The following GGT1 variants were observed in gnomAD, a reference collection of about 807,000 sequenced individuals.
GGT1 encodes the protein glutathione hydrolase 1 proenzyme.
A neutral mutation model predicts 56.0 loss-of-function variants in GGT1; 21 were observed. That is an observed-to-expected ratio of 0.38 (90% CI 0.27 to 0.54). GGT1 has a LOEUF of 0.54. Ranked by LOEUF, GGT1 falls within the 20% of genes least tolerant of loss-of-function variation. The probability of loss-of-function intolerance (pLI) is 0.82; values close to 1 mark genes in which losing one functional copy is unlikely to be tolerated. For synonymous variants in GGT1, 238 were observed against 342.6 expected, an observed-to-expected ratio of 0.69 and a Z score of 3.37; for missense variants, 466 against 787.0, an observed-to-expected ratio of 0.59 and a Z score of 4.88.
chr22:24,585,908 G>A, the GGT1 span: 1 of 1,598,786 alleles, frequency 6.3e-7, no homozygotes, highest in Non-Finnish European at 8.5e-7. Flanking sequence ...GCAGGCCTGG[G>A]GCTCGGGTCC....
chr22:24,612,180 T>C (rs1205199374), intron 5 of GGT1, among the ~76,000 whole-genome samples: 2 of 151,250 alleles, frequency 1.3e-5, no homozygotes, highest in Non-Finnish European at 2.9e-5. Context: ...CCTCAGGTAA[T>C]CCACCCACCT....
chr22:24,589,910 A>G (rs1363458795), upstream of GGT1: 2 of 1,612,116 alleles, frequency 1.2e-6, no homozygotes, highest in African/African-American at 2.7e-5. Context: ...ACATCTCTGT[A>G]GAGGATATCA....
chr22:24,607,858 G>T, intron 1 of GGT1, 96 bp from the exon 2 acceptor site: 1 of 393,822 alleles, frequency 2.5e-6, no homozygotes, highest in South Asian at 1.9e-5. Context: ...GGGGCCACAG[G>T]CGTGGCTCTG....
chr22:24,584,942 C>T, the GGT1 span, among the ~76,000 whole-genome samples: 4 of 152,064 alleles, frequency 2.6e-5, no homozygotes, highest in Admixed American at 2.6e-4. Context: ...AGACACTTCC[C>T]CCTGCCAAGG....
At position 24,620,308 on chromosome 22, in the gene GGT1, C is replaced by G; in HGVS notation, c.383-20C>G. ...GATGTCCCCCACTCAGGGTCACTAA[C>G]TATGGCTCTCTCTCCCCAGGGGGGC... On this transcript the variant is annotated intron_variant, in intron 7 of 15. Transcript: ENST00000400382. This position sits in a 1 kb window ranked among gnomAD's most constrained non-coding sequence, Gnocchi z 5.6. The G allele has an allele frequency of 1.2e-6, 2 of 1,610,900 alleles. No homozygotes were observed. The highest frequency in any genetic ancestry group is 4.5e-5 in the East Asian group (2 of 44,846).
chr22:24,591,337 C>T (rs964610110), upstream of GGT1, among the ~76,000 whole-genome samples: 1 of 152,212 alleles, frequency 6.6e-6, no homozygotes, highest in African/African-American at 2.4e-5. Flanking sequence ...CCTCAGCCTC[C>T]CAAAGTGCTG....
At chr22:24,589,250 AT>A in the GGT1 span, 42 of 1,269,242 alleles carry the variant, frequency 3.3e-5, no homozygotes, top group Non-Finnish European at 4.3e-5. Flanking sequence ...TGCTGTCAGC[AT>A]GGGGTTCTGG....
In GGT1 at chr22:24,627,909, C is replaced by T. The variant is rs1041987; in HGVS notation, c.1266C>T (p.Asp422=). 4.1e-4 allele frequency: 661 copies of T among 1,613,826 alleles called. 6 individuals are homozygous for T. The African/African-American group carries it at 7.0e-3, about 17-fold the overall frequency. ...VSGILFNNEM[D]DFSSPSITNE... ...GGATCCTGTTCAATAATGAAATGGACGACTTCAGCTCTCCCAGCATCACCA... is the reference window on the plus strand; with the variant it reads ...GGATCCTGTTCAATAATGAAATGGATGACTTCAGCTCTCCCAGCATCACCA... Residue 422 remains aspartate (D), a synonymous_variant, in exon 13 of 16, where the codon GAC becomes GAT. Transcript: ENST00000400382.
chr22:24,610,074 G>T, intron 3 of GGT1, 41 bp downstream of exon 3: 1 of 457,858 alleles, frequency 2.2e-6, no homozygotes, highest in South Asian at 1.6e-5. Context: ...CAGGCTGGCG[G>T]TGCCCCCTGA....
chr22:24,596,838 G>A (rs1254889055), intron 1 of GGT1, among the ~76,000 whole-genome samples: 3 of 144,632 alleles, frequency 2.1e-5, no homozygotes, highest in Admixed American at 7.0e-5. Context: ...GCTTGAACCC[G>A]GGACGCAGAA....
At chr22:24,589,127 G>T in the GGT1 span, 2 of 1,128,102 alleles carry the variant, frequency 1.8e-6, no homozygotes, top group Non-Finnish European at 2.2e-6. Flanking sequence ...GGCCCAGAGC[G>T]GATACCCTGG....
the GGT1 span, chr22:24,588,387 C>A: frequency 8.7e-6 from 12 of 1,371,686 alleles, no homozygotes; most frequent in African/African-American, 5.7e-5. Flanking sequence ...ACCTCAGGGC[C>A]TTGGGGAGAG....
At chr22:24,602,234 A>G (rs7284489), upstream of GGT1, among the ~76,000 whole-genome samples, 11,543 of 151,958 alleles carry the variant, frequency 0.076, 1,220 homozygotes, top group African/African-American at 0.24. Flanking sequence ...GTCCTCCCCA[A>G]ATCCAATCCC....
Position 24,620,685 on chromosome 22 carries a change from G to T in GGT1, c.575+165G>T. ...CACCACGTGTGGGGACACATTCTGA[G>T]CGTGGGGTCCCAGTGGCCACTGTGG... On this transcript the variant is annotated intron_variant, in intron 8 of 15. Transcript: ENST00000400382. This position sits in a 1 kb window ranked among gnomAD's most constrained non-coding sequence, Gnocchi z 5.6. 1.4e-6 allele frequency: 2 copies of T among 1,459,204 alleles called. No individual in the cohort carries two copies. The highest frequency in any genetic ancestry group is 2.9e-5 in the South Asian group (2 of 68,514). The allele number at this position is 1,459,204 out of a possible 1,614,324, so 90.4% of individuals were successfully genotyped here.
At chr22:24,626,201 C>T (rs2047749902) in intron 11 of GGT1, among the ~76,000 whole-genome samples, 1 of 149,244 alleles carries the variant, frequency 6.7e-6, no homozygotes, top group Middle Eastern at 3.4e-3. Context: ...ACTGTGTTAG[C>T]CAGGATGGTC....
chr22:24,596,842 C>T (rs1601608748), intron 1 of GGT1, among the ~76,000 whole-genome samples: 3 of 140,052 alleles, frequency 2.1e-5, no homozygotes, highest in Admixed American at 7.5e-5. Flanking sequence ...GAACCCGGGA[C>T]GCAGAAGTTG....
the GGT1 span, among the ~76,000 whole-genome samples, chr22:24,584,135 C>A: frequency 6.6e-6 from 1 of 152,198 alleles, no homozygotes; most frequent in South Asian, 2.1e-4. Context: ...ACACCCTGTT[C>A]CAGAGTAGGG....
chr22:24,602,269 C>T (rs1410166785), upstream of GGT1, among the ~76,000 whole-genome samples: 1 of 152,168 alleles, frequency 6.6e-6, no homozygotes, highest in Non-Finnish European at 1.5e-5. Flanking sequence ...TCCCAAGGCC[C>T]CTATTCTGGT....
chr22:24,617,874 G>C (rs1235403248), intron 7 of GGT1, among the ~76,000 whole-genome samples: 1 of 152,028 alleles, frequency 6.6e-6, no homozygotes, highest in East Asian at 1.9e-4. Context: ...ACAGAGGGGA[G>C]AGTAGGAGCT....
Sources: allele counts gnomAD v4.1 joint callset (sites outside exome capture counted in the v4.1 genomes callset), GRCh38; gene constraint gnomAD v4.1.1; non-coding constraint Gnocchi (gnomAD v3.1); transcripts MANE v1.5; gene names NCBI Gene and HGNC (gene_info 2026-07-23, HGNC 2026-07-21).